NLGN1: variants seen among roughly 807,000 people sequenced by gnomAD.
NLGN1 encodes the protein neuroligin-1.
In NLGN1, 12 loss-of-function variants were observed where a neutral mutation model predicts 65.5. The observed-to-expected ratio is 0.18, with a 90% CI of 0.12 to 0.30. NLGN1 has a LOEUF of 0.30. Among genes scored for constraint, NLGN1 ranks in the 10% least tolerant of loss-of-function variants. The pLI is 1.00. For synonymous variants in NLGN1, 350 were observed against 359.5 expected, an observed-to-expected ratio of 0.97 and a Z score of 0.30; for missense variants, 750 against 1,007.1, an observed-to-expected ratio of 0.74 and a Z score of 3.46.
intron 1 of NLGN1, among the ~76,000 whole-genome samples, chr3:173,409,609 C>T (rs1227464573): frequency 6.6e-6 from 1 of 152,184 alleles, no homozygotes; most frequent in African/African-American, 2.4e-5. Context: ...AACAATGTCT[C>T]TTACACACGT....
intron 4 of NLGN1, among the ~76,000 whole-genome samples, chr3:174,085,527 A>G (rs915637492): frequency 1.1e-4 from 17 of 152,024 alleles, no homozygotes; most frequent in African/African-American, 4.1e-4. Context: ...TTCAAAATAT[A>G]TAGATCTTCC....
chr3:174,263,222 A>C (rs1747308539), intron 4 of NLGN1, among the ~76,000 whole-genome samples: 1 of 150,408 alleles, frequency 6.6e-6, no homozygotes, highest in African/African-American at 2.5e-5. Context: ...AGCTGAGTTC[A>C]ATTCCTGGGT....
chr3:174,143,112 G>T (rs959709453), intron 4 of NLGN1, among the ~76,000 whole-genome samples: 3 of 152,050 alleles, frequency 2.0e-5, no homozygotes, highest in African/African-American at 7.2e-5. Flanking sequence ...ATTCGTGAGG[G>T]ATCCACTCCA....
At chr3:173,803,587 C>T (rs1029118248) in intron 3 of NLGN1, among the ~76,000 whole-genome samples, 1 of 151,860 alleles carries the variant, frequency 6.6e-6, no homozygotes, top group African/African-American at 2.4e-5. Flanking sequence ...CAGCCTGGGC[C>T]GCAGAATGAG....
chr3:174,261,469 T>C (rs1746892336), intron 4 of NLGN1, among the ~76,000 whole-genome samples: 1 of 149,818 alleles, frequency 6.7e-6, no homozygotes, highest in South Asian at 2.1e-4. Context: ...AGTTCACTCA[T>C]GATTTGGCTC....
intron 4 of NLGN1, among the ~76,000 whole-genome samples, chr3:174,192,605 T>C (rs1732600904): frequency 6.6e-6 from 1 of 152,166 alleles, no homozygotes; most frequent in Non-Finnish European, 1.5e-5. Context: ...AAAAACAATG[T>C]AGGTCCTGTC....
intron 2 of NLGN1, among the ~76,000 whole-genome samples, chr3:173,546,747 A>C (rs542994169): frequency 6.6e-6 from 1 of 152,330 alleles, no homozygotes; most frequent in South Asian, 2.1e-4. Flanking sequence ...AACAACTGTC[A>C]AGAATCATTC....
intron 3 of NLGN1, among the ~76,000 whole-genome samples, chr3:173,799,558 G>A (rs997247124): frequency 2.6e-5 from 4 of 151,856 alleles, no homozygotes; most frequent in African/African-American, 4.8e-5. Flanking sequence ...TGAAATATAA[G>A]CCCTGACTCG....
intron 3 of NLGN1, among the ~76,000 whole-genome samples, chr3:173,619,336 C>T (rs999919656): frequency 1.3e-5 from 2 of 152,078 alleles, no homozygotes; most frequent in African/African-American, 4.8e-5. Flanking sequence ...AGATCTGTTC[C>T]TCTATTATTC....
intron 2 of NLGN1, among the ~76,000 whole-genome samples, chr3:173,472,612 G>A (rs1725490726): frequency 6.6e-6 from 1 of 151,362 alleles, no homozygotes; most frequent in Non-Finnish European, 1.5e-5. Context: ...CAACCCCCTT[G>A]GACTTATTAA....
intron 3 of NLGN1, among the ~76,000 whole-genome samples, chr3:173,737,443 C>G (rs984281254): frequency 2.0e-5 from 3 of 152,032 alleles, no homozygotes; most frequent in African/African-American, 7.2e-5. Context: ...AACCCCTCAC[C>G]TCTAGACAAC....
chr3:173,472,585 G>T (rs957660909), intron 2 of NLGN1, among the ~76,000 whole-genome samples: 2 of 151,658 alleles, frequency 1.3e-5, no homozygotes, highest in African/African-American at 4.8e-5. Context: ...TGGGTAGAAG[G>T]AATTTATTAA....
At chr3:173,953,535 A>ATACT (rs1275265518) in intron 4 of NLGN1, among the ~76,000 whole-genome samples, 1 of 150,942 alleles carries the variant, frequency 6.6e-6, no homozygotes, top group African/African-American at 2.5e-5. Context: ...ATTTATTTAT[A>ATACT]TACTTACTTA....
At chr3:173,616,780 C>T (rs1369130912) in intron 3 of NLGN1, among the ~76,000 whole-genome samples, 1 of 152,204 alleles carries the variant, frequency 6.6e-6, no homozygotes, top group Non-Finnish European at 1.5e-5. Flanking sequence ...ATTCCCATTC[C>T]TGCTTCTGCA....
intron 2 of NLGN1, among the ~76,000 whole-genome samples, chr3:173,514,262 G>T (rs928788427): frequency 1.3e-5 from 2 of 151,960 alleles, no homozygotes; most frequent in Non-Finnish European, 1.5e-5. Flanking sequence ...GTTTTTTAGG[G>T]TACAGGTGGT....
chr3:174,186,243 CTG>C (rs1561243623), intron 4 of NLGN1, among the ~76,000 whole-genome samples: 2 of 152,048 alleles, frequency 1.3e-5, no homozygotes, highest in African/African-American at 4.8e-5. Context: ...ACAAACATGA[CTG>C]TCTTATTCTC....
At chr3:173,932,017 C>CTGTTTTGTTT (rs113507013) in intron 4 of NLGN1, among the ~76,000 whole-genome samples, 35 of 151,828 alleles carry the variant, frequency 2.3e-4, no homozygotes, top group African/African-American at 6.3e-4. Context: ...AATTTTTTTT[C>CTGTTTTGTTT]TGTTTTGTTT....
rs139077062 is a variant in NLGN1 at position 174,134,441 on chromosome 3, A to G, written c.647-140874A>G. ...TAAATAAATCATCTGGGGGAGCTTTATAATTTAAATTATATCTGCATTTAA... is the reference window on the plus strand; with the variant it reads ...TAAATAAATCATCTGGGGGAGCTTTGTAATTTAAATTATATCTGCATTTAA... On this transcript the variant is annotated intron_variant, in intron 4 of 6. Coordinates refer to ENST00000457714, the Ensembl canonical transcript of NLGN1. Among the ~76,000 whole-genome samples the G allele has an allele frequency of 5.4e-3, 822 of 152,314 alleles. 21 individuals carry two copies. The highest frequency in any genetic ancestry group is 0.016 in the East Asian group (82 of 5,184).
At chr3:174,286,178 T>C (rs1752092648) in exon 7 of NLGN1, 1 of 151,494 alleles carries the variant, frequency 6.6e-6, no homozygotes, top group Non-Finnish European at 1.5e-5. Context: ...ATATACTATA[T>C]GGTTTATATA....
Sources: allele counts gnomAD v4.1 joint callset (sites outside exome capture counted in the v4.1 genomes callset), GRCh38; gene constraint gnomAD v4.1.1; transcripts MANE v1.5; gene names NCBI Gene and HGNC (gene_info 2026-07-23, HGNC 2026-07-21).